Variants in CDKL4 observed in about 807,000 individuals in gnomAD.
CDKL4 encodes cyclin dependent kinase like 4, also known as cyclin-dependent kinase-like 4.
Under a neutral mutation model 42.0 loss-of-function variants are expected in CDKL4, and 44 were observed. That is an observed-to-expected ratio of 1.05 (90% CI 0.82 to 1.35). The LOEUF is 1.35. CDKL4 is among the 40% of genes most tolerant of loss of function. CDKL4 has a pLI of 0.00. For synonymous variants in CDKL4, 120 were observed against 121.6 expected, an observed-to-expected ratio of 0.99 and a Z score of 0.09; for missense variants, 393 against 369.9, an observed-to-expected ratio of 1.06 and a Z score of -0.51.
chr2:39,205,955 G>C (rs1007852344), intron 4 of CDKL4, among the ~76,000 whole-genome samples: 7 of 152,004 alleles, frequency 4.6e-5, no homozygotes, highest in Non-Finnish European at 7.4e-5. Context: ...AACCTGGAAC[G>C]ATCAGCAACA....
At chr2:39,217,837 G>A (rs187709885) in intron 3 of CDKL4, among the ~76,000 whole-genome samples, 25 of 152,172 alleles carry the variant, frequency 1.6e-4, no homozygotes, top group Non-Finnish European at 2.6e-4. Flanking sequence ...GGGTTCAAGC[G>A]ATTCTCCTGC....
rs555979827 is a variant in CDKL4 at position 39,198,948 on chromosome 2, A to G, written c.454+5579T>C. On this transcript the variant is annotated intron_variant, in intron 5 of 9. Transcript: ENST00000451199. Reference sequence around the variant, plus strand: ...GGAGCTAGAGAAAGAGGAAAAAAACAAACGTAAACCCAGCAGAAGAAAAGA... The same window carrying G: ...GGAGCTAGAGAAAGAGGAAAAAAACGAACGTAAACCCAGCAGAAGAAAAGA... 3.3e-5 allele frequency among the ~76,000 whole-genome samples: 5 copies of G among 152,256 alleles called. No individual in the cohort carries two copies. The South Asian group carries it at 1.0e-3, about 32-fold the overall frequency.
At chr2:39,168,382 A>G in the CDKL4 span, among the ~76,000 whole-genome samples, 3 of 152,230 alleles carry the variant, frequency 2.0e-5, no homozygotes, top group Non-Finnish European at 4.4e-5. Flanking sequence ...AATCATTTAT[A>G]TGCCTGTTGA....
intron 4 of CDKL4, among the ~76,000 whole-genome samples, chr2:39,212,420 A>G (rs1379769947): frequency 1.3e-5 from 2 of 151,670 alleles, no homozygotes; most frequent in Non-Finnish European, 2.9e-5. Flanking sequence ...TTTTTAGTAG[A>G]GACAGGGTTT....
At chr2:39,190,463 C>A (rs904636655) in exon 6 of CDKL4, 1 of 1,614,074 alleles carries the variant, frequency 6.2e-7, no homozygotes, top group African/African-American at 1.3e-5. Context: ...AGCTCGGTAC[C>A]ATCTCGTAGC....
In CDKL4 at chr2:39,226,982, G is replaced by T. The variant is rs1161590910; in HGVS notation, c.169-1022C>A. Among the ~76,000 whole-genome samples, 3 of 152,038 alleles carry T rather than the reference G, an allele frequency of 2.0e-5. No individual in the cohort carries two copies. The East Asian group carries it at 5.8e-4, about 29-fold the overall frequency. Reference sequence around the variant, plus strand: ...GGGTTTCACCATGTTGGACAGGCTGGTCTCACGTGGACAGGCTGGTCTCAA... The same window carrying T: ...GGGTTTCACCATGTTGGACAGGCTGTTCTCACGTGGACAGGCTGGTCTCAA... On this transcript the variant is annotated intron_variant, in intron 2 of 9. Coordinates refer to ENST00000451199, the Ensembl canonical transcript of CDKL4.
chr2:39,218,443 G>A (rs1481288934), intron 3 of CDKL4, among the ~76,000 whole-genome samples: 2 of 152,144 alleles, frequency 1.3e-5, no homozygotes, highest in African/African-American at 4.8e-5. Context: ...AGGCTGCAGT[G>A]AGCCATGTTC....
chr2:39,198,188 T>C (rs987113347), intron 5 of CDKL4, among the ~76,000 whole-genome samples: 1 of 151,602 alleles, frequency 6.6e-6, no homozygotes, highest in African/African-American at 2.4e-5. Flanking sequence ...GGAATAGCTA[T>C]TCTCATATCA....
At chr2:39,220,976 CTTTTTTT>C (rs1157655136) in intron 3 of CDKL4, among the ~76,000 whole-genome samples, 63 of 49,148 alleles carry the variant, frequency 1.3e-3, no homozygotes, top group Middle Eastern at 0.016. Flanking sequence ...CATCGACGAT[CTTTTTTT>C]TTTTTTTTTT....
intron 2 of CDKL4, among the ~76,000 whole-genome samples, 155 bp from the exon 3 acceptor site, chr2:39,226,115 T>C (rs1190832340): frequency 6.6e-6 from 1 of 152,078 alleles, no homozygotes; most frequent in African/African-American, 2.4e-5. Context: ...TCTCTGGTGA[T>C]AGCAAGTAAA....
chr2:39,194,898 C>A (rs1357339555), intron 5 of CDKL4, among the ~76,000 whole-genome samples: 1 of 152,164 alleles, frequency 6.6e-6, no homozygotes, highest in East Asian at 1.9e-4. Context: ...ACAATCATCA[C>A]CACTATGCAC....
chr2:39,231,025 C>A (rs1191643614), intron 1 of CDKL4, among the ~76,000 whole-genome samples: 2 of 152,154 alleles, frequency 1.3e-5, no homozygotes, highest in African/African-American at 2.4e-5. Flanking sequence ...GCCTGGCCAA[C>A]ATGGTGAAAC....
chr2:39,198,260 T>A (rs201299423), intron 5 of CDKL4, among the ~76,000 whole-genome samples: 10 of 146,622 alleles, frequency 6.8e-5, no homozygotes, highest in East Asian at 2.0e-4. Flanking sequence ...TATATAATGA[T>A]AAAAAAAAAA....
chr2:39,190,294 G>T lies in CDKL4; in HGVS notation c.652+11C>A. The T allele has an allele frequency of 6.2e-7, 1 of 1,606,180 alleles. No individual in the cohort carries two copies. Reference sequence around the variant, plus strand: ...TTCAGCAACTCTGTTGCCATAAAATGCAATTCATACCTAGTGTTCTGATTA... The same window carrying T: ...TTCAGCAACTCTGTTGCCATAAAATTCAATTCATACCTAGTGTTCTGATTA... On this transcript the variant is annotated intron_variant, in intron 6 of 9. Coordinates refer to ENST00000451199, the Ensembl canonical transcript of CDKL4.
At chr2:39,205,213 A>G (rs931732713) in intron 4 of CDKL4, among the ~76,000 whole-genome samples, 8 of 152,290 alleles carry the variant, frequency 5.3e-5, no homozygotes, top group African/African-American at 1.7e-4. Context: ...AAATTCAAGA[A>G]GAGAGTAACA....
rs1573031935 is a variant in CDKL4, at chr2:39,235,448, T to A, written c.-56-5860A>T. 2.6e-5 allele frequency among the ~76,000 whole-genome samples: 4 copies of A among 152,224 alleles called. No homozygotes were observed. The South Asian group carries it at 8.3e-4, about 32-fold the overall frequency. ...AAGAGGGAAAGAAAGATGAACAAGC[T>A]TATTGATAATCAAATGGGCAATAGG... On this transcript the variant is annotated intron_variant, in intron 1 of 9. Transcript: ENST00000451199.
intron 2 of CDKL4, among the ~76,000 whole-genome samples, chr2:39,226,602 C>T (rs187347627): frequency 4.6e-5 from 7 of 151,472 alleles, no homozygotes; most frequent in East Asian, 3.9e-4. Flanking sequence ...TGTTTAATAT[C>T]GCAAACCCAA....
At chr2:39,209,309 C>A (rs1677431883) in intron 4 of CDKL4, among the ~76,000 whole-genome samples, 2 of 97,590 alleles carry the variant, frequency 2.0e-5, no homozygotes, top group African/African-American at 3.4e-5. Context: ...AAGATCCTGT[C>A]TCAGGAAGAA....
At chr2:39,233,682 A>G (rs1679207980) in intron 1 of CDKL4, among the ~76,000 whole-genome samples, 1 of 151,950 alleles carries the variant, frequency 6.6e-6, no homozygotes, top group Non-Finnish European at 1.5e-5. Flanking sequence ...TTGTCAGAAA[A>G]AAGAAATGAG....
Sources: allele counts gnomAD v4.1 joint callset (sites outside exome capture counted in the v4.1 genomes callset), GRCh38; gene constraint gnomAD v4.1.1; transcripts MANE v1.5; gene names NCBI Gene and HGNC (gene_info 2026-07-23, HGNC 2026-07-21).